Variants in SUPT3H observed in about 807,000 individuals in gnomAD.
SUPT3H encodes the protein SPT3 homolog, SAGA and STAGA complex component.
In SUPT3H, 44 loss-of-function variants were observed where a neutral mutation model predicts 44.3. The observed-to-expected ratio is 0.99, with a 90% CI of 0.78 to 1.28. The LOEUF (loss-of-function observed/expected upper bound fraction) is 1.28, where lower values mean the gene tolerates loss of function less well. SUPT3H is among the 50% of genes most tolerant of loss of function. The pLI is 0.00. For missense variants in SUPT3H, 380 were observed against 387.1 expected (o/e 0.98, Z 0.15); for synonymous variants, 124 against 125.6 (o/e 0.99, Z 0.09).
intron 2 of SUPT3H, among the ~76,000 whole-genome samples, chr6:45,134,775 G>A (rs1208093703): frequency 2.0e-5 from 3 of 152,252 alleles, no homozygotes; most frequent in Non-Finnish European, 2.9e-5. Flanking sequence ...CTGGTAGCTC[G>A]ACAGCTCTGG....
chr6:45,023,488 T>C (rs1472857350), intron 3 of SUPT3H, among the ~76,000 whole-genome samples: 8 of 152,130 alleles, frequency 5.3e-5, no homozygotes, highest in Admixed American at 5.2e-4. Flanking sequence ...AAATGTTCAC[T>C]GCAGTACTGT....
intron 2 of SUPT3H, among the ~76,000 whole-genome samples, chr6:45,255,454 C>G (rs1260840610): frequency 7.5e-6 from 1 of 133,172 alleles, no homozygotes; most frequent in Non-Finnish European, 1.6e-5. Context: ...GGTTCTCGCT[C>G]TCTCTCACCC....
intron 2 of SUPT3H, among the ~76,000 whole-genome samples, chr6:45,356,229 A>G (rs1793142869): frequency 6.6e-6 from 1 of 152,116 alleles, no homozygotes; most frequent in African/African-American, 2.4e-5. Context: ...GTTTTTTTTA[A>G]AATCTACATA....
At chr6:45,325,965 T>C (rs1786280501) in intron 2 of SUPT3H, among the ~76,000 whole-genome samples, 1 of 151,924 alleles carries the variant, frequency 6.6e-6, no homozygotes, top group Admixed American at 6.6e-5. Flanking sequence ...TTTCTCCTGC[T>C]AGAATTTGAT....
At chr6:45,245,352 C>T (rs1243106383) in intron 2 of SUPT3H, among the ~76,000 whole-genome samples, 2 of 152,060 alleles carry the variant, frequency 1.3e-5, no homozygotes, top group African/African-American at 4.8e-5. Context: ...ACATTAAGTA[C>T]ATTCACATTA....
chr6:45,237,460 G>C (rs1280330439), intron 2 of SUPT3H, among the ~76,000 whole-genome samples: 1 of 152,172 alleles, frequency 6.6e-6, no homozygotes, highest in Non-Finnish European at 1.5e-5. Flanking sequence ...GGGAACACAA[G>C]TTCTAATTCC....
downstream of SUPT3H, among the ~76,000 whole-genome samples, chr6:44,823,098 T>C (rs1486869956): frequency 6.4e-5 from 6 of 94,406 alleles, no homozygotes; most frequent in Admixed American, 2.4e-4. Flanking sequence ...TGAGACTCCG[T>C]TTCAAAAAAA....
intron 2 of SUPT3H, among the ~76,000 whole-genome samples, chr6:45,236,337 A>C (rs1462020571): frequency 2.0e-5 from 3 of 152,150 alleles, no homozygotes; most frequent in Non-Finnish European, 4.4e-5. Flanking sequence ...GCTCTTAAGC[A>C]ATCCCCGTGG....
At chr6:45,014,719 T>C in intron 5 of SUPT3H, 82 bp downstream of exon 5, 1 of 906,554 alleles carries the variant, frequency 1.1e-6, no homozygotes, top group Non-Finnish European at 1.6e-6. Flanking sequence ...GTTCTCCAGT[T>C]ACATTGGAAT....
chr6:44,964,041 T>G (rs1182119510), intron 6 of SUPT3H, among the ~76,000 whole-genome samples: 1 of 152,142 alleles, frequency 6.6e-6, no homozygotes, highest in Non-Finnish European at 1.5e-5. Flanking sequence ...ATAAACTCTC[T>G]AAGACTGATA....
At chr6:45,153,255 C>G (rs1807239123) in intron 2 of SUPT3H, among the ~76,000 whole-genome samples, 1 of 152,184 alleles carries the variant, frequency 6.6e-6, no homozygotes, top group Admixed American at 6.5e-5. Flanking sequence ...AGAATGTAAG[C>G]TTTATGAAGA....
At chr6:45,327,195 G>A (rs926114592) in intron 2 of SUPT3H, among the ~76,000 whole-genome samples, 5 of 151,832 alleles carry the variant, frequency 3.3e-5, no homozygotes, top group Non-Finnish European at 7.4e-5. Context: ...AAATCGAGAC[G>A]ACTAACATAC....
At chr6:45,343,873 A>G (rs1033900475) in intron 2 of SUPT3H, among the ~76,000 whole-genome samples, 2 of 152,128 alleles carry the variant, frequency 1.3e-5, no homozygotes, top group African/African-American at 4.8e-5. Context: ...TTAATAACCC[A>G]TATTAGAATC....
At chr6:45,147,257 C>T (rs1806227434) in intron 2 of SUPT3H, among the ~76,000 whole-genome samples, 1 of 151,946 alleles carries the variant, frequency 6.6e-6, no homozygotes, top group Non-Finnish European at 1.5e-5. Context: ...AATACGTTGT[C>T]CTCGTTTTAG....
intron 2 of SUPT3H, among the ~76,000 whole-genome samples, chr6:45,316,335 T>A (rs547784097): frequency 6.6e-6 from 1 of 151,522 alleles, no homozygotes; most frequent in African/African-American, 2.4e-5. Flanking sequence ...AAATAAAATT[T>A]TAAAAAAATA....
At chr6:44,965,626 T>C (rs935050568) in intron 6 of SUPT3H, among the ~76,000 whole-genome samples, 3 of 152,080 alleles carry the variant, frequency 2.0e-5, no homozygotes, top group Non-Finnish European at 2.9e-5. Flanking sequence ...TGGCCAATGA[T>C]GAAGATGATT....
chr6:44,846,785 C>T (rs1168585493), intron 10 of SUPT3H, among the ~76,000 whole-genome samples: 4 of 152,138 alleles, frequency 2.6e-5, no homozygotes, highest in Non-Finnish European at 5.9e-5. Context: ...GCATCTGCCA[C>T]CACATCTGGC....
intron 5 of SUPT3H, among the ~76,000 whole-genome samples, chr6:45,009,321 A>G (rs1288294038): frequency 6.6e-6 from 1 of 152,190 alleles, no homozygotes; most frequent in Admixed American, 6.6e-5. Flanking sequence ...TAATTGATCA[A>G]GTCCAATTTT....
intron 3 of SUPT3H, among the ~76,000 whole-genome samples, chr6:45,071,788 G>T (rs1231532510): frequency 6.6e-6 from 1 of 152,096 alleles, no homozygotes; most frequent in African/African-American, 2.4e-5. Flanking sequence ...CTAAAGACCT[G>T]TTTCAGCTCA....
Sources: allele counts gnomAD v4.1 joint callset (sites outside exome capture counted in the v4.1 genomes callset), GRCh38; gene constraint gnomAD v4.1.1; transcripts MANE v1.5; gene names NCBI Gene and HGNC (gene_info 2026-07-23, HGNC 2026-07-21).